Variants in AKNA observed in about 807,000 individuals in gnomAD.
The protein encoded by AKNA is AT-hook transcription factor, also known as microtubule organization protein AKNA.
In AKNA, 67 loss-of-function variants were observed where a neutral mutation model predicts 138.8. The observed-to-expected ratio is 0.48, with a 90% CI of 0.40 to 0.59. AKNA has a LOEUF of 0.59. Among genes scored for constraint, AKNA ranks in the 20% least tolerant of loss-of-function variants. The probability of loss-of-function intolerance (pLI) is 0.00; values close to 1 mark genes in which losing one functional copy is unlikely to be tolerated. For synonymous variants in AKNA, 737 were observed against 754.4 expected (o/e 0.98, Z 0.38); for missense variants, 1,813 against 1,880.4 (o/e 0.96, Z 0.66).
Position 114,360,050 on chromosome 9 carries a change from T to C in AKNA, c.2137A>G (p.Thr713Ala), listed in dbSNP as rs780176494. 3.7e-6 allele frequency: 6 copies of C among 1,614,016 alleles called. No individual in the cohort carries two copies. Among genetic ancestry groups the C allele is most frequent in the Non-Finnish European group, 5.1e-6 (6 of 1,180,032 alleles). ...KTSCPEPATTTAAASTGPCPL... is the reference protein window; with the variant it reads ...KTSCPEPATTAAAASTGPCPL... The stretch of plus-strand genomic sequence containing the variant: ...CAGGGGCCAGTGCTGGCGGCGGCAG[T>C]GGTGGTAGCAGGCTGGGGTCAGAAA... The change falls in exon 10 of 22, where the codon ACT becomes GCT. Residue 713 changes from threonine (T) to alanine (A), a missense_variant. By Grantham distance (58) the Thr-to-Ala change is moderately conservative (BLOSUM62 0). Transcript: ENST00000374088.
In AKNA at chr9:114,363,583, A is replaced by G. The variant is rs528070323; in HGVS notation, c.1788+977T>C. Among the ~76,000 whole-genome samples, 17 of 152,376 alleles carry G rather than the reference A, an allele frequency of 1.1e-4. 1 individual carries two copies. The East Asian group carries it at 2.9e-3, about 26-fold the overall frequency. On this transcript the variant is annotated intron_variant, in intron 7 of 21. Transcript: ENST00000374088. ...GTAACCACACAGGAAATATCCTGCC[A>G]TAACATTTTTTTAGAAACTAGGTGT...
intron 13 of AKNA, 133 bp downstream of exon 13, chr9:114,356,730 G>A (rs1831525814): frequency 7.7e-6 from 6 of 781,210 alleles, no homozygotes; most frequent in African/African-American, 1.8e-5. Flanking sequence ...AAGAAATCAC[G>A]GTTAGGGGAT....
chr9:114,397,310 A>G (rs1167733332), upstream of AKNA, among the ~76,000 whole-genome samples: 1 of 152,172 alleles, frequency 6.6e-6, no homozygotes, highest in Non-Finnish European at 1.5e-5. Context: ...ACAGCCCCCA[A>G]ATAAAACCCA....
At chr9:114,357,846 C>A (rs893072485) in intron 12 of AKNA, 75 bp downstream of exon 12, 3 of 1,568,640 alleles carry the variant, frequency 1.9e-6, no homozygotes, top group Middle Eastern at 2.3e-4. Context: ...CAAGGAAAGA[C>A]CCAGAAGCAG....
At chr9:114,355,520 C>G (rs1214095553) in intron 14 of AKNA, among the ~76,000 whole-genome samples, 5 of 152,182 alleles carry the variant, frequency 3.3e-5, no homozygotes, top group African/African-American at 1.2e-4. Context: ...AGGTTTGTTT[C>G]CACCAGCATC....
chr9:114,377,640 G>A (rs1833343164), intron 2 of AKNA, 108 bp from the exon 3 acceptor site: 4 of 1,150,634 alleles, frequency 3.5e-6, no homozygotes, highest in African/African-American at 1.6e-5. Flanking sequence ...CATCACGTGG[G>A]GATGGAAAGA....
Position 114,336,953 on chromosome 9 carries a change from A to T in AKNA, c.*101T>A. ...TGGAGGGAGACCCTCCTGGTGAGGAACTATGCGGGCCTTCTGGGCCTCAGC... is the reference window on the plus strand; with the variant it reads ...TGGAGGGAGACCCTCCTGGTGAGGATCTATGCGGGCCTTCTGGGCCTCAGC... On this transcript the variant is annotated 3_prime_UTR_variant, in exon 22 of 22. Coordinates refer to ENST00000374088, the MANE Select transcript of AKNA (RefSeq NM_001317950.2). The T allele has an allele frequency of 1.5e-6, 2 of 1,373,488 alleles. No individual in the cohort carries two copies. The highest frequency in any genetic ancestry group is 1.9e-6 in the Non-Finnish European group (2 of 1,045,856). The allele number at this position is 1,373,488 out of a possible 1,614,324, so 85.1% of individuals were successfully genotyped here. A position where few individuals can be genotyped will look rare whatever the true frequency, so the allele number is the denominator to read the frequency against.
upstream of AKNA, among the ~76,000 whole-genome samples, chr9:114,391,042 C>A (rs1834314524): frequency 1.3e-5 from 2 of 152,202 alleles, no homozygotes; most frequent in Non-Finnish European, 2.9e-5. Context: ...CCTGGATGAT[C>A]CACTCAACCT....
chr9:114,331,452 C>G, downstream of AKNA: 1 of 802,028 alleles, frequency 1.2e-6, no homozygotes, highest in Non-Finnish European at 2.0e-6. Flanking sequence ...AAAGGAGACC[C>G]GGGCCTTCAC....
chr9:114,381,391 C>T lies in AKNA; in HGVS notation c.-58G>A. On this transcript the variant is annotated 5_prime_UTR_variant, in exon 2 of 22. Coordinates refer to ENST00000374088, the MANE Select transcript of AKNA (RefSeq NM_001317950.2). ...CATCTTCAGGAGACAGAGCTGCTGC[C>T]AGGGGCCCCAGAGTCACCGCTGGTT... 6.8e-7 allele frequency: 1 copy of T among 1,467,774 alleles called. No individual in the cohort carries two copies. Among genetic ancestry groups the T allele is most frequent in the Non-Finnish European group, 9.0e-7 (1 of 1,113,102 alleles). 90.9% of individuals were successfully genotyped at this position (1,467,774 alleles called of 1,614,324 possible).
intron 9 of AKNA, 130 bp downstream of exon 9, chr9:114,361,574 T>C: frequency 9.8e-7 from 1 of 1,021,888 alleles, no homozygotes. Context: ...AAATATGTAA[T>C]ATTTACATAT....
At chr9:114,388,665 C>T (rs1389004969), upstream of AKNA, among the ~76,000 whole-genome samples, 1 of 152,166 alleles carries the variant, frequency 6.6e-6, no homozygotes, top group African/African-American at 2.4e-5. Context: ...GATGGTCAGT[C>T]GAGCTATCTT....
In AKNA at chr9:114,381,121, C is replaced by A. The variant is rs746355283; in HGVS notation, c.213G>T (p.Trp71Cys). ...LAQQHLPPLE[W>C]DPHPQPDGHQ... ...GCCCATCGGGCTGCGGGTGTGGGTCCCACTCCAGGGGCGGCAGGTGCTGCT... is the reference window on the plus strand; with the variant it reads ...GCCCATCGGGCTGCGGGTGTGGGTCACACTCCAGGGGCGGCAGGTGCTGCT... Residue 71 changes from tryptophan (W) to cysteine (C), a missense_variant, in exon 2 of 22, where the codon TGG becomes TGT. Transcript: ENST00000374088. 6.2e-7 allele frequency: 1 copy of A among 1,611,640 alleles called. No homozygotes were observed. Among genetic ancestry groups the A allele is most frequent in the African/African-American group, 1.3e-5 (1 of 74,402 alleles).
At chr9:114,330,795 G>C (rs1829838316), downstream of AKNA, 2 of 1,613,880 alleles carry the variant, frequency 1.2e-6, no homozygotes, top group African/African-American at 1.3e-5. Flanking sequence ...ACTTTAGCCA[G>C]AACCAGTGCT....
downstream of AKNA, chr9:114,330,934 T>C: frequency 7.9e-7 from 1 of 1,265,476 alleles, no homozygotes. Flanking sequence ...GGGGGCTGGA[T>C]GTAGAGCCCT....
chr9:114,375,615 A>T (rs1833112788), intron 3 of AKNA, among the ~76,000 whole-genome samples: 1 of 152,116 alleles, frequency 6.6e-6, no homozygotes, highest in Non-Finnish European at 1.5e-5. Flanking sequence ...ACACTAACAC[A>T]TTTTTAGATA....
chr9:114,368,828 A>G (rs1832563155), intron 4 of AKNA, among the ~76,000 whole-genome samples: 1 of 152,216 alleles, frequency 6.6e-6, no homozygotes, highest in East Asian at 1.9e-4. Flanking sequence ...CCCATTATAT[A>G]GAAGAAAAAA....
intron 21 of AKNA, among the ~76,000 whole-genome samples, chr9:114,337,602 C>T (rs371768101): frequency 3.9e-5 from 6 of 152,152 alleles, no homozygotes; most frequent in South Asian, 2.1e-4. Flanking sequence ...TGCCAGCCAG[C>T]GTGCCAGGCT....
intron 1 of AKNA, among the ~76,000 whole-genome samples, chr9:114,393,212 TC>T (rs1834413013): frequency 1.3e-5 from 2 of 149,962 alleles, no homozygotes; most frequent in South Asian, 4.2e-4. Flanking sequence ...GACAGTATAA[TC>T]TTTTTTTTTT....
Sources: allele counts gnomAD v4.1 joint callset (sites outside exome capture counted in the v4.1 genomes callset), GRCh38; gene constraint gnomAD v4.1.1; transcripts MANE v1.5; gene names NCBI Gene and HGNC (gene_info 2026-07-23, HGNC 2026-07-21).